LAMA2: variants seen among roughly 807,000 people sequenced by gnomAD.
The protein encoded by LAMA2 is laminin subunit alpha-2.
A neutral mutation model predicts 364.8 loss-of-function variants in LAMA2; 269 were observed. The ratio of observed to expected loss-of-function variants is 0.74; its 90% CI spans 0.67 to 0.82. The LOEUF (loss-of-function observed/expected upper bound fraction) is 0.82. Ranked by LOEUF, LAMA2 falls within the 40% of genes least tolerant of loss-of-function variation. The pLI is 0.00. For synonymous variants in LAMA2, 1,379 were observed against 1,370.6 expected, an observed-to-expected ratio of 1.01 and a Z score of -0.14; for missense variants, 3,807 against 3,873.2, an observed-to-expected ratio of 0.98 and a Z score of 0.45.
At chr6:129,269,400 T>G (rs1014026841) in intron 16 of LAMA2, among the ~76,000 whole-genome samples, 1 of 151,652 alleles carries the variant, frequency 6.6e-6, no homozygotes, top group Non-Finnish European at 1.5e-5. Flanking sequence ...ATAGGTTGTC[T>G]GATGCAGTTT....
intron 2 of LAMA2, among the ~76,000 whole-genome samples, chr6:129,052,134 C>T (rs932755852): frequency 2.9e-5 from 4 of 139,762 alleles, no homozygotes; most frequent in South Asian, 2.3e-4. Flanking sequence ...TATTTCTTCT[C>T]CTTTTTTTTT....
chr6:129,006,774 G>C (rs1221861426), intron 1 of LAMA2, among the ~76,000 whole-genome samples: 1 of 152,046 alleles, frequency 6.6e-6, no homozygotes, highest in Non-Finnish European at 1.5e-5. Flanking sequence ...CATCCCCTTT[G>C]TAATCAGATC....
At chr6:129,461,429 C>T (rs1783251143) in intron 49 of LAMA2, among the ~76,000 whole-genome samples, 1 of 151,880 alleles carries the variant, frequency 6.6e-6, no homozygotes, top group Non-Finnish European at 1.5e-5. Flanking sequence ...AAAGCGTGAC[C>T]CATTCATTGT....
intron 1 of LAMA2, among the ~76,000 whole-genome samples, chr6:129,013,425 A>G (rs1284041559): frequency 2.6e-5 from 4 of 151,822 alleles, no homozygotes; most frequent in Non-Finnish European, 4.4e-5. Context: ...CGAAAGAGAG[A>G]GACTCCATCT....
At chr6:129,350,792 AAAT>A (rs1175375039) in intron 31 of LAMA2, among the ~76,000 whole-genome samples, 1 of 152,230 alleles carries the variant, frequency 6.6e-6, no homozygotes, top group Middle Eastern at 3.2e-3. Flanking sequence ...ATAAGTAACT[AAAT>A]AATTAGGGTT....
intron 3 of LAMA2, among the ~76,000 whole-genome samples, chr6:129,076,498 TA>T (rs1491138911): frequency 1.6e-4 from 2 of 12,268 alleles, no homozygotes; most frequent in Non-Finnish European, 5.3e-4. Context: ...ATATTATATA[TA>T]AATATATATA....
chr6:129,035,505 GTTTAA>G (rs1786576784), intron 1 of LAMA2, among the ~76,000 whole-genome samples: 1 of 130,090 alleles, frequency 7.7e-6, no homozygotes, highest in African/African-American at 2.8e-5. Context: ...ACGCCGTTTA[GTTTAA>G]TTAAGTCCCA....
intron 4 of LAMA2, among the ~76,000 whole-genome samples, chr6:129,102,920 G>A (rs1775599722): frequency 6.6e-6 from 1 of 152,160 alleles, no homozygotes; most frequent in Non-Finnish European, 1.5e-5. Flanking sequence ...TCATTCCCAT[G>A]CTGCTTATCT....
At chr6:129,494,159 T>C (rs1368801864) in intron 58 of LAMA2, among the ~76,000 whole-genome samples, 3 of 152,238 alleles carry the variant, frequency 2.0e-5, no homozygotes, top group Non-Finnish European at 4.4e-5. Flanking sequence ...TTACAGCTCA[T>C]GTGTTGTGGT....
At chr6:128,889,561 C>T (rs1317354005) in intron 1 of LAMA2, among the ~76,000 whole-genome samples, 1 of 152,100 alleles carries the variant, frequency 6.6e-6, no homozygotes, top group Non-Finnish European at 1.5e-5. Flanking sequence ...TCTCTTTCTC[C>T]CTTCCTTTCT....
intron 12 of LAMA2, among the ~76,000 whole-genome samples, chr6:129,210,299 T>A (rs540409790): frequency 2.6e-4 from 39 of 152,236 alleles, no homozygotes; most frequent in African/African-American, 8.2e-4. Flanking sequence ...TAGTCTATCC[T>A]GTACAAGGGA....
intron 33 of LAMA2, among the ~76,000 whole-genome samples, chr6:129,367,449 A>G (rs1777838570): frequency 2.0e-5 from 3 of 152,240 alleles, no homozygotes; most frequent in Admixed American, 2.0e-4. Context: ...ACAAACATTC[A>G]AAGTACATTA....
intron 32 of LAMA2, among the ~76,000 whole-genome samples, chr6:129,355,114 T>G (rs1195777425): frequency 6.6e-6 from 1 of 152,166 alleles, no homozygotes; most frequent in East Asian, 1.9e-4. Flanking sequence ...GAAAAAAATA[T>G]TAAATTATAG....
intron 1 of LAMA2, among the ~76,000 whole-genome samples, chr6:128,892,318 T>C (rs1776502612): frequency 6.6e-6 from 1 of 151,970 alleles, no homozygotes; most frequent in African/African-American, 2.4e-5. Context: ...GTTATGTTAG[T>C]AGCTCTGTGT....
At chr6:129,304,795 C>T (rs1187773261) in intron 22 of LAMA2, among the ~76,000 whole-genome samples, 3 of 152,108 alleles carry the variant, frequency 2.0e-5, no homozygotes, top group Non-Finnish European at 4.4e-5. Flanking sequence ...GTTACTGTTA[C>T]TAGTATCTAG....
Position 129,148,166 on chromosome 6 carries a change from C to T in LAMA2, c.910-813C>T, listed in dbSNP as rs115515780. ...ATGCATATGCCACCATAGAATACTA[C>T]GCTGCCATAAAAAGGAATGAGATCA... On this transcript the variant is annotated intron_variant, in intron 6 of 64. Transcript: ENST00000421865. Among the ~76,000 whole-genome samples the T allele has an allele frequency of 4.7e-3, 710 of 152,092 alleles. 4 individuals are homozygous for T. The highest frequency in any genetic ancestry group is 0.017 in the African/African-American group (688 of 41,502).
At chr6:129,300,579 T>A (rs1773486306) in intron 21 of LAMA2, among the ~76,000 whole-genome samples, 157 bp from the exon 22 acceptor site, 1 of 152,172 alleles carries the variant, frequency 6.6e-6, no homozygotes. Context: ...TGTACTATAA[T>A]ATAAAAGATG....
At chr6:129,226,591 A>T (rs1784297919) in intron 12 of LAMA2, among the ~76,000 whole-genome samples, 1 of 151,810 alleles carries the variant, frequency 6.6e-6, no homozygotes, top group Admixed American at 6.6e-5. Context: ...TCACTTATGA[A>T]GCTTAGTTTG....
At chr6:129,468,240 T>G (rs2114815178) in intron 51 of LAMA2, among the ~76,000 whole-genome samples, 1 of 151,862 alleles carries the variant, frequency 6.6e-6, no homozygotes, top group Admixed American at 6.6e-5. Context: ...CCCTATGAGG[T>G]TTAGTTGTTC....
Sources: allele counts gnomAD v4.1 joint callset (sites outside exome capture counted in the v4.1 genomes callset), GRCh38; gene constraint gnomAD v4.1.1; transcripts MANE v1.5; gene names NCBI Gene and HGNC (gene_info 2026-07-23, HGNC 2026-07-21).